The following OPRM1 variants were observed in gnomAD, a reference collection of about 807,000 sequenced individuals.
The protein encoded by OPRM1 is opioid receptor mu 1.
OPRM1 carries 27 observed loss-of-function variants against 31.8 expected under a neutral mutation model. The ratio of observed to expected loss-of-function variants is 0.85; its 90% CI spans 0.63 to 1.17. The LOEUF (loss-of-function observed/expected upper bound fraction) is 1.17. OPRM1 is among the 50% of genes most tolerant of loss of function. OPRM1 has a pLI of 0.00. For synonymous variants in OPRM1, 196 were observed against 189.9 expected, an observed-to-expected ratio of 1.03 and a Z score of -0.26; for missense variants, 536 against 511.1, an observed-to-expected ratio of 1.05 and a Z score of -0.47.
intron 3 of OPRM1, among the ~76,000 whole-genome samples, chr6:154,244,392 T>C (rs1780865830): frequency 6.6e-6 from 1 of 151,820 alleles, no homozygotes; most frequent in Non-Finnish European, 1.5e-5. Context: ...AACCATTAGT[T>C]TGCATACCAT....
At chr6:154,047,757 C>T (rs1781423538) in intron 1 of OPRM1, among the ~76,000 whole-genome samples, 2 of 152,136 alleles carry the variant, frequency 1.3e-5, no homozygotes, top group African/African-American at 4.8e-5. Context: ...AATATGTTAG[C>T]TTATGCACTG....
In OPRM1 at chr6:154,128,077, A is replaced by T. The variant is rs1234301170; in HGVS notation, c.*9356A>T. 1.3e-5 allele frequency among the ~76,000 whole-genome samples: 2 copies of T among 152,212 alleles called. No individual in the cohort carries two copies. The highest frequency in any genetic ancestry group is 4.1e-4 in the South Asian group (2 of 4,830). ...ATAAATTAGGTTCAAATAACAGAGT[A>T]TTTCCAGGATTTATAAATTCAGTAT... On this transcript the variant is annotated 3_prime_UTR_variant, in exon 4 of 4. Transcript: ENST00000330432.
At chr6:154,011,078 G>C (rs189155837) in intron 1 of OPRM1, 428 of 1,272,912 alleles carry the variant, frequency 3.4e-4, no homozygotes, top group Non-Finnish European at 4.2e-4. Flanking sequence ...TGCTGGAAGA[G>C]GAGGAGTAAG....
rs759385017 is a variant in OPRM1 at position 154,159,910 on chromosome 6, G to A, written c.1164+68438G>A. On this transcript the variant is annotated intron_variant, in intron 3 of 3. Transcript: ENST00000337049. ...GTCATCAGTGTCATCAGGGGCAGGC[G>A]AAGCCCGCTGCTGCTGATAGATGTC... 66 of 1,613,618 alleles carry A rather than the reference G, an allele frequency of 4.1e-5. No homozygotes were observed. The Admixed American group carries it at 5.0e-4, about 12-fold the overall frequency.
intron 3 of OPRM1, among the ~76,000 whole-genome samples, chr6:154,215,420 A>G (rs1351137697): frequency 6.6e-6 from 1 of 152,058 alleles, no homozygotes; most frequent in Non-Finnish European, 1.5e-5. Flanking sequence ...CCTGACCAAC[A>G]GGGAGAAACC....
intron 1 of OPRM1, among the ~76,000 whole-genome samples, chr6:154,032,349 C>G (rs1246330917): frequency 1.3e-5 from 2 of 152,162 alleles, no homozygotes; most frequent in African/African-American, 4.8e-5. Flanking sequence ...GGCCATCAAC[C>G]AGCTGATTAA....
chr6:154,162,645 G>A (rs1054694412), intron 3 of OPRM1, among the ~76,000 whole-genome samples: 4 of 152,036 alleles, frequency 2.6e-5, no homozygotes, highest in Admixed American at 2.0e-4. Context: ...TCCTTGTCAC[G>A]CCACCTCTTC....
chr6:154,028,145 T>A (rs1182729335), intron 1 of OPRM1, among the ~76,000 whole-genome samples: 1 of 152,138 alleles, frequency 6.6e-6, no homozygotes, highest in East Asian at 1.9e-4. Context: ...ACATAGTACC[T>A]GAGTATTGCT....
chr6:154,100,235 TATC>T (rs1794591158), intron 3 of OPRM1, among the ~76,000 whole-genome samples: 1 of 141,394 alleles, frequency 7.1e-6, no homozygotes, highest in Non-Finnish European at 1.5e-5. Flanking sequence ...TAATATATAT[TATC>T]ATATTATGAC....
At chr6:154,065,115 A>G (rs1490278453) in intron 1 of OPRM1, among the ~76,000 whole-genome samples, 1 of 151,498 alleles carries the variant, frequency 6.6e-6, no homozygotes, top group Non-Finnish European at 1.5e-5. Flanking sequence ...ATCCATGAAC[A>G]TGGGATGCCT....
intron 1 of OPRM1, chr6:154,046,944 A>C (rs668394): frequency 0.19 from 28,430 of 152,224 alleles, 2,957 homozygotes; most frequent in Admixed American, 0.27. Flanking sequence ...TCATCCACAA[A>C]ACTAAACAAT....
chr6:154,089,840 A>T lies in OPRM1; in HGVS notation c.305A>T (p.Lys102Met). The T allele has an allele frequency of 1.2e-6, 2 of 1,612,076 alleles. No homozygotes were observed. Among genetic ancestry groups the T allele is most frequent in the Non-Finnish European group, 1.7e-6 (2 of 1,178,786 alleles). Residue 102 changes from lysine to methionine, a missense_variant, in exon 2 of 4, where the codon AAG (lysine) becomes ATG (methionine). Transcript: ENST00000330432. ...TTATCTCCTAGATACACCAAGATGA[A>T]GACTGCCACCAACATCTACATTTTC... ...MYVIVRYTKMKTATNIYIFNL... is the reference protein window; with the variant it reads ...MYVIVRYTKMMTATNIYIFNL...
chr6:154,193,867 C>T (rs1021757390), intron 3 of OPRM1, among the ~76,000 whole-genome samples: 1 of 152,208 alleles, frequency 6.6e-6, no homozygotes, highest in Non-Finnish European at 1.5e-5. Context: ...TTTCCATACT[C>T]TATACAGACA....
intron 3 of OPRM1, among the ~76,000 whole-genome samples, chr6:154,167,190 G>A (rs772022502): frequency 6.6e-6 from 1 of 152,196 alleles, no homozygotes; most frequent in Non-Finnish European, 1.5e-5. Context: ...TGCTAAATCA[G>A]GAGCATTTTA....
At position 154,204,091 on chromosome 6, in the gene OPRM1, G is replaced by C. The variant is rs535397461; in HGVS notation, c.1165-42602G>C. ...TTTATATTTAAATGAGGAAGTTAAA[G>C]ACATTTCAAAAATCTTCGTTCTAGT... On this transcript the variant is annotated intron_variant, in intron 3 of 3. Coordinates refer to the OPRM1 transcript ENST00000337049. 1.1e-4 allele frequency among the ~76,000 whole-genome samples: 16 copies of C among 152,278 alleles called. 1 individual carries two copies. In the South Asian group the frequency reaches 3.1e-3, roughly 30 times the overall value.
chr6:154,232,514 TGTG>T (rs1453644495), intron 3 of OPRM1, among the ~76,000 whole-genome samples: 2 of 152,188 alleles, frequency 1.3e-5, no homozygotes, highest in African/African-American at 4.8e-5. Context: ...GGAACCATCA[TGTG>T]GTATTATTAA....
chr6:154,056,506 A>G (rs1195028776), intron 1 of OPRM1, among the ~76,000 whole-genome samples: 2 of 151,752 alleles, frequency 1.3e-5, no homozygotes, highest in African/African-American at 4.8e-5. Context: ...TTTTTCCAGG[A>G]CTTGCAATGC....
chr6:154,159,213 T>C (rs1351046546), intron 3 of OPRM1: 1 of 152,914 alleles, frequency 6.5e-6, no homozygotes, highest in East Asian at 1.9e-4. Flanking sequence ...GTCCTTTGAA[T>C]GAGTGGAATA....
In OPRM1 at chr6:154,218,195, A is replaced by T. The variant is rs544552886; in HGVS notation, c.1165-28498A>T. 1.5e-4 allele frequency among the ~76,000 whole-genome samples: 23 copies of T among 152,296 alleles called. No individual in the cohort carries two copies. The South Asian group carries it at 4.1e-3, about 27-fold the overall frequency. On this transcript the variant is annotated intron_variant, in intron 3 of 3. Transcript: ENST00000337049. Reference sequence around the variant, plus strand: ...AAGAAAATGACAGATGTTTCCTGGGAGTTTGTTGTATATTAACTTGACGTG... The same window carrying T: ...AAGAAAATGACAGATGTTTCCTGGGTGTTTGTTGTATATTAACTTGACGTG...
Sources: gnomAD v4.1 joint callset for allele counts (sites outside exome capture counted in the v4.1 genomes callset) on GRCh38, gnomAD v4.1.1 for gene constraint, MANE v1.5 for transcripts, NCBI Gene and HGNC (gene_info 2026-07-23, HGNC 2026-07-21) for gene names.